MAGI1: variants seen among roughly 807,000 people sequenced by gnomAD.
MAGI1 encodes the protein membrane associated guanylate kinase, WW and PDZ domain containing 1.
A neutral mutation model predicts 139.9 loss-of-function variants in MAGI1; 58 were observed. The ratio of observed to expected loss-of-function variants is 0.41; its 90% CI spans 0.34 to 0.52. The LOEUF is 0.52. Ranked by LOEUF, MAGI1 falls within the 20% of genes least tolerant of loss-of-function variation. MAGI1 has a pLI of 0.12. For missense variants in MAGI1, 1,874 were observed against 1,901.6 expected (o/e 0.99, Z 0.27); for synonymous variants, 812 against 737.9 (o/e 1.10, Z -1.63).
chr3:65,891,197 G>A (rs950698657), intron 1 of MAGI1, among the ~76,000 whole-genome samples: 36 of 145,670 alleles, frequency 2.5e-4, no homozygotes, highest in African/African-American at 9.4e-4. Flanking sequence ...GTGAGCCCCT[G>A]TCACAGAAAA....
intron 2 of MAGI1, among the ~76,000 whole-genome samples, chr3:65,605,509 T>G (rs1040841625): frequency 6.6e-6 from 1 of 152,154 alleles, no homozygotes; most frequent in Non-Finnish European, 1.5e-5. Flanking sequence ...CTGTAAGAAG[T>G]GCTCTTCTTC....
At chr3:65,991,751 G>A (rs771813315) in intron 1 of MAGI1, among the ~76,000 whole-genome samples, 9 of 152,110 alleles carry the variant, frequency 5.9e-5, no homozygotes, top group African/African-American at 9.7e-5. Context: ...ACGGTGGCTC[G>A]TGATTGTAAT....
chr3:65,848,330 T>A (rs551518836), intron 1 of MAGI1, among the ~76,000 whole-genome samples: 1 of 152,178 alleles, frequency 6.6e-6, no homozygotes, highest in African/African-American at 2.4e-5. Flanking sequence ...ATGTTTCGTA[T>A]CCTACGCTGG....
Position 65,623,330 on chromosome 3 carries a change from TAA to T in MAGI1, c.314-1244_314-1243del, listed in dbSNP as rs972566867. Among the ~76,000 whole-genome samples the T allele has an allele frequency of 9.2e-5, 14 of 152,254 alleles. No homozygotes were observed. The East Asian group carries it at 2.5e-3, about 27-fold the overall frequency. On this transcript the variant is annotated intron_variant, in intron 1 of 22. Coordinates refer to ENST00000402939, the MANE Select transcript of MAGI1 (RefSeq NM_001033057.2). Reference sequence around the variant, plus strand: ...TTATTTCTTTGCAATTCTCTACACTTAAGAGAACAAAAGAAAAGCTAAAAATA... The same window carrying T: ...TTATTTCTTTGCAATTCTCTACACTTGAGAACAAAAGAAAAGCTAAAAATA...
At chr3:65,729,872 T>G (rs1040225512) in intron 1 of MAGI1, among the ~76,000 whole-genome samples, 8 of 152,214 alleles carry the variant, frequency 5.3e-5, no homozygotes, top group Non-Finnish European at 7.3e-5. Context: ...AAAATCACCA[T>G]GTAATACAAT....
chr3:65,613,613 T>C (rs900777193), intron 2 of MAGI1, among the ~76,000 whole-genome samples: 6 of 152,144 alleles, frequency 3.9e-5, no homozygotes, highest in Admixed American at 6.5e-5. Context: ...TCAGCAACTA[T>C]ACAATGGCAA....
chr3:65,869,462 G>A (rs900921930), intron 1 of MAGI1, among the ~76,000 whole-genome samples: 24 of 149,626 alleles, frequency 1.6e-4, no homozygotes, highest in Admixed American at 6.7e-4. Context: ...GTGCAGTGGC[G>A]TGATCTCCAC....
intron 1 of MAGI1, chr3:66,003,764 T>C (rs1286120489): frequency 1.3e-5 from 2 of 152,190 alleles, no homozygotes; most frequent in Admixed American, 6.5e-5. Flanking sequence ...CCACCGCACC[T>C]GGCCAGCTTC....
At chr3:65,795,584 A>G (rs2040071563) in intron 1 of MAGI1, among the ~76,000 whole-genome samples, 1 of 152,094 alleles carries the variant, frequency 6.6e-6, no homozygotes, top group South Asian at 2.1e-4. Flanking sequence ...GCCCTGTAGT[A>G]TTTCTTACAA....
chr3:65,505,387 C>T (rs1009107570), intron 2 of MAGI1, among the ~76,000 whole-genome samples: 2 of 52,072 alleles, frequency 3.8e-5, no homozygotes, highest in South Asian at 1.1e-3. Context: ...AGCTTTCTTG[C>T]TTAGTTAAAA....
At chr3:65,978,251 G>A (rs889186131) in intron 1 of MAGI1, among the ~76,000 whole-genome samples, 1 of 152,168 alleles carries the variant, frequency 6.6e-6, no homozygotes, top group Non-Finnish European at 1.5e-5. Flanking sequence ...GAAAACTAAA[G>A]CACAAAGAGG....
At chr3:65,432,313 A>G (rs1346602095) in intron 10 of MAGI1, among the ~76,000 whole-genome samples, 1 of 152,112 alleles carries the variant, frequency 6.6e-6, no homozygotes, top group Non-Finnish European at 1.5e-5. Context: ...TCTATCAAAA[A>G]TGTTATCCAA....
intron 1 of MAGI1, among the ~76,000 whole-genome samples, chr3:65,869,200 G>A (rs1443817219): frequency 6.8e-6 from 1 of 147,098 alleles, no homozygotes; most frequent in African/African-American, 2.5e-5. Context: ...AGCTTGCAGT[G>A]AGCCGAGATC....
chr3:65,909,345 T>C (rs1448893129), intron 1 of MAGI1, among the ~76,000 whole-genome samples: 1 of 151,460 alleles, frequency 6.6e-6, no homozygotes, highest in Non-Finnish European at 1.5e-5. Flanking sequence ...CACAACAAAG[T>C]TGAGACCCCA....
In MAGI1 at chr3:65,802,710, G is replaced by C. The variant is rs374476932; in HGVS notation, c.314-180622C>G. Among the ~76,000 whole-genome samples, 26 of 152,246 alleles carry C rather than the reference G, an allele frequency of 1.7e-4. No individual in the cohort carries two copies. The East Asian group carries it at 4.4e-3, about 26-fold the overall frequency. ...CTGGCATAAAACAAACACTGAATTAGGTAAATATTAAATGGCTGACTGAAT... is the reference window on the plus strand; with the variant it reads ...CTGGCATAAAACAAACACTGAATTACGTAAATATTAAATGGCTGACTGAAT... On this transcript the variant is annotated intron_variant, in intron 1 of 22. Coordinates refer to ENST00000402939, the MANE Select transcript of MAGI1 (RefSeq NM_001033057.2).
At chr3:65,759,065 CAAAAAAAAAAAAA>C (rs200497203) in intron 1 of MAGI1, among the ~76,000 whole-genome samples, 1,628 of 73,112 alleles carry the variant, frequency 0.022, 29 homozygotes, top group African/African-American at 0.08. Context: ...AGGCCCAGTG[CAAAAAAAAAAAAA>C]AAAAAAAAAA....
At position 65,539,183 on chromosome 3, in the gene MAGI1, C is replaced by T. The variant is rs542726643; in HGVS notation, c.431-45552G>A. ...GGCACACATATCAAGTACCATCAAACAGGCACATGTACAAACTACCATCAA... is the reference window on the plus strand; with the variant it reads ...GGCACACATATCAAGTACCATCAAATAGGCACATGTACAAACTACCATCAA... On this transcript the variant is annotated intron_variant, in intron 2 of 22. Transcript: ENST00000402939. 1.3e-3 allele frequency among the ~76,000 whole-genome samples: 202 copies of T among 152,244 alleles called. 3 individuals are homozygous for T. Among genetic ancestry groups the T allele is most frequent in the Non-Finnish European group, 3.5e-4 (24 of 68,018 alleles).
At chr3:65,968,279 A>C (rs2064855402) in intron 1 of MAGI1, among the ~76,000 whole-genome samples, 1 of 152,238 alleles carries the variant, frequency 6.6e-6, no homozygotes, top group Non-Finnish European at 1.5e-5. Context: ...TATTTTACAA[A>C]TGCAATTATA....
At chr3:65,668,340 C>T (rs1250956161) in intron 1 of MAGI1, among the ~76,000 whole-genome samples, 2 of 152,196 alleles carry the variant, frequency 1.3e-5, no homozygotes, top group African/African-American at 4.8e-5. Context: ...ATGTTAGCAC[C>T]TCTTCCTACC....
Sources: gnomAD v4.1 joint callset for allele counts (sites outside exome capture counted in the v4.1 genomes callset) on GRCh38, gnomAD v4.1.1 for gene constraint, MANE v1.5 for transcripts, NCBI Gene and HGNC (gene_info 2026-07-23, HGNC 2026-07-21) for gene names.